DYNC2I1: variants seen among roughly 807,000 people sequenced by gnomAD.
DYNC2I1 encodes the protein cytoplasmic dynein 2 intermediate chain 1.
Under a neutral mutation model 133.4 loss-of-function variants are expected in DYNC2I1, and 89 were observed. The ratio of observed to expected loss-of-function variants is 0.67; its 90% CI spans 0.56 to 0.80. DYNC2I1 has a LOEUF of 0.80. Ranked by LOEUF, DYNC2I1 falls within the 30% of genes least tolerant of loss-of-function variation. The probability of loss-of-function intolerance (pLI) is 0.00; values close to 1 mark genes in which losing one functional copy is unlikely to be tolerated. For missense variants in DYNC2I1, 1,291 were observed against 1,314.5 expected, an observed-to-expected ratio of 0.98 and a Z score of 0.28; for synonymous variants, 504 against 484.3, an observed-to-expected ratio of 1.04 and a Z score of -0.54.
intron 4 of DYNC2I1, among the ~76,000 whole-genome samples, chr7:158,951,740 G>A (rs1051710085): frequency 6.6e-6 from 1 of 152,228 alleles, no homozygotes; most frequent in South Asian, 2.1e-4. Flanking sequence ...CATTGGGGCT[G>A]CCTGAGGCTG....
chr7:158,846,074 A>G, the DYNC2I1 span, among the ~76,000 whole-genome samples: 1 of 152,086 alleles, frequency 6.6e-6, no homozygotes, highest in African/African-American at 2.4e-5. Flanking sequence ...AGCCTGGGCA[A>G]CATAGTAAAA....
chr7:158,852,436 G>A (rs544256558), upstream of DYNC2I1, among the ~76,000 whole-genome samples: 3 of 151,714 alleles, frequency 2.0e-5, no homozygotes, highest in East Asian at 6.0e-4. Flanking sequence ...CGCTGGTTTT[G>A]AGGGAGAGAA....
At chr7:158,906,780 T>C (rs1846863091) in intron 11 of DYNC2I1, among the ~76,000 whole-genome samples, 2 of 152,212 alleles carry the variant, frequency 1.3e-5, no homozygotes, top group South Asian at 4.1e-4. Context: ...TTTTTAAAAG[T>C]GGATTTAAAA....
At chr7:158,946,702 A>G (rs767065872), downstream of DYNC2I1, among the ~76,000 whole-genome samples, 5 of 152,238 alleles carry the variant, frequency 3.3e-5, no homozygotes, top group Non-Finnish European at 5.9e-5. Flanking sequence ...AAACCATAGC[A>G]CAAAGACAGG....
At chr7:158,928,643 T>C (rs1011748980) in intron 20 of DYNC2I1, among the ~76,000 whole-genome samples, 1 of 152,170 alleles carries the variant, frequency 6.6e-6, no homozygotes, top group African/African-American at 2.4e-5. Flanking sequence ...GCCGTTCTGC[T>C]CTGTGTTGTC....
intron 8 of DYNC2I1, among the ~76,000 whole-genome samples, chr7:158,894,189 A>G (rs1046248132): frequency 2.0e-5 from 3 of 152,108 alleles, no homozygotes; most frequent in Admixed American, 2.0e-4. Flanking sequence ...TACGTATCAT[A>G]CTACATATCA....
At chr7:158,854,038 G>C (rs537785821), upstream of DYNC2I1, among the ~76,000 whole-genome samples, 1 of 151,120 alleles carries the variant, frequency 6.6e-6, no homozygotes, top group East Asian at 1.9e-4. Context: ...GGGGCGTTGA[G>C]AAGTGGGGAG....
chr7:158,871,499 C>T lies in DYNC2I1; in HGVS notation c.427C>T (p.Leu143=), dbSNP rs1842870791. The T allele has an allele frequency of 6.5e-7, 1 of 1,547,556 alleles. No homozygotes were observed. The highest frequency in any genetic ancestry group is 8.7e-7 in the Non-Finnish European group (1 of 1,146,860). The part of the protein sequence containing the change: ...ELRQTVAHHN[L]LGQETRDRQL... ...CCGGCAGACCGTGGCCCACCACAAC[C>T]TGCTGGGCCAGGAGACACGCGACCG... The change falls in exon 3 of 25, where the codon CTG becomes TTG. Residue 143 remains leucine (L), a synonymous_variant. Coordinates refer to ENST00000407559, the MANE Select transcript of DYNC2I1 (RefSeq NM_018051.5).
chr7:158,914,379 C>T, intron 14 of DYNC2I1, 58 bp downstream of exon 14: 3 of 1,339,984 alleles, frequency 2.2e-6, no homozygotes, highest in East Asian at 2.4e-5. Context: ...TTTCATTCTA[C>T]ATAGAAACAT....
chr7:158,890,336 A>G (rs1845079509), intron 7 of DYNC2I1, among the ~76,000 whole-genome samples: 1 of 152,106 alleles, frequency 6.6e-6, no homozygotes, highest in South Asian at 2.1e-4. Context: ...CCAGAGGAGT[A>G]AAATATATGA....
At chr7:158,862,710 C>T (rs548483791) in intron 1 of DYNC2I1, among the ~76,000 whole-genome samples, 10 of 152,158 alleles carry the variant, frequency 6.6e-5, no homozygotes, top group African/African-American at 1.9e-4. Flanking sequence ...CTGGTGGGTT[C>T]TTGGTCTCGC....
At chr7:158,901,403 C>T (rs918500776) in intron 8 of DYNC2I1, among the ~76,000 whole-genome samples, 2 of 152,008 alleles carry the variant, frequency 1.3e-5, no homozygotes, top group African/African-American at 4.8e-5. Context: ...TGTAGATAAG[C>T]TGAGCACCAT....
intron 8 of DYNC2I1, among the ~76,000 whole-genome samples, chr7:158,899,704 C>T (rs895022470): frequency 6.6e-6 from 1 of 152,170 alleles, no homozygotes; most frequent in African/African-American, 2.4e-5. Context: ...ATGGGTTTAT[C>T]AGGGGTTTCT....
chr7:158,899,161 C>T (rs1301143230), intron 8 of DYNC2I1, among the ~76,000 whole-genome samples: 2 of 152,144 alleles, frequency 1.3e-5, no homozygotes, highest in African/African-American at 4.8e-5. Flanking sequence ...CTCTAGATTG[C>T]TTATAAAACC....
At chr7:158,916,733 G>A (rs1848365123) in intron 14 of DYNC2I1, among the ~76,000 whole-genome samples, 1 of 57,982 alleles carries the variant, frequency 1.7e-5, no homozygotes, top group East Asian at 4.7e-4. Flanking sequence ...CATTAAGGAT[G>A]ATTGTGAAAC....
chr7:158,932,098 G>C (rs2730245), intron 21 of DYNC2I1, among the ~76,000 whole-genome samples: 101,179 of 152,032 alleles, frequency 0.67, 34,006 homozygotes, highest in Non-Finnish European at 0.71. Context: ...TTTGTACCCC[G>C]CATCCCATCA....
chr7:158,906,502 A>G (rs565384877), intron 11 of DYNC2I1, among the ~76,000 whole-genome samples: 1 of 152,354 alleles, frequency 6.6e-6, no homozygotes, highest in Non-Finnish European at 1.5e-5. Flanking sequence ...CTTGTTGCCC[A>G]GGCTGGAGTG....
At position 158,928,390 on chromosome 7, in the gene DYNC2I1, ATGAG is replaced by A. The variant is rs1849840942; in HGVS notation, c.2485+1352_2485+1355del. 2.0e-5 allele frequency among the ~76,000 whole-genome samples: 3 copies of A among 152,184 alleles called. No homozygotes were observed. In the South Asian group the frequency reaches 6.2e-4, roughly 32 times the overall value. ...CCATGTAGATCTGGCAAAAAATAAT[ATGAG>A]TGAGACCGGCTTTGTTCCTAACCTC... On this transcript the variant is annotated intron_variant, in intron 20 of 24. Transcript: ENST00000407559.
chr7:158,930,560 A>G, intron 21 of DYNC2I1, 45 bp downstream of exon 21: 2 of 1,544,392 alleles, frequency 1.3e-6, no homozygotes, highest in Non-Finnish European at 1.8e-6. Context: ...AAAGACCTAG[A>G]AGGAAAATAA....
Sources: allele counts gnomAD v4.1 joint callset (sites outside exome capture counted in the v4.1 genomes callset), GRCh38; gene constraint gnomAD v4.1.1; transcripts MANE v1.5; gene names NCBI Gene and HGNC (gene_info 2026-07-23, HGNC 2026-07-21).